Variants in KMT2C observed in about 807,000 individuals in gnomAD.
The protein encoded by KMT2C is histone-lysine N-methyltransferase 2C.
A neutral mutation model predicts 507.9 loss-of-function variants in KMT2C; 88 were observed. The ratio of observed to expected loss-of-function variants is 0.17; its 90% CI spans 0.15 to 0.21. The LOEUF (loss-of-function observed/expected upper bound fraction) is 0.21, where lower values mean the gene tolerates loss of function less well. Ranked by LOEUF, KMT2C falls within the 10% of genes least tolerant of loss-of-function variation. The pLI is 1.00. For missense variants in KMT2C, 4,954 were observed against 5,957.8 expected, an observed-to-expected ratio of 0.83 and a Z score of 5.55; for synonymous variants, 2,049 against 2,080.8, an observed-to-expected ratio of 0.98 and a Z score of 0.42.
chr7:152,346,295 T>A (rs1156823670), intron 2 of KMT2C, among the ~76,000 whole-genome samples: 1 of 152,210 alleles, frequency 6.6e-6, no homozygotes, highest in Admixed American at 6.5e-5. Flanking sequence ...ATGCTTCTCA[T>A]CCACATGGGA....
At chr7:152,190,920 G>C (rs954705654) in intron 31 of KMT2C, among the ~76,000 whole-genome samples, 2 of 152,000 alleles carry the variant, frequency 1.3e-5, no homozygotes, top group African/African-American at 4.8e-5. Flanking sequence ...TGTCTCTAAT[G>C]ATCATTCATT....
At chr7:152,230,518 G>C (rs1299689995) in intron 16 of KMT2C, among the ~76,000 whole-genome samples, 197 bp from the exon 17 acceptor site, 1 of 152,106 alleles carries the variant, frequency 6.6e-6, no homozygotes, top group Non-Finnish European at 1.5e-5. Flanking sequence ...TCTCTCTTTA[G>C]AGGTAGAATT....
At chr7:152,335,814 T>C (rs1334594964) in intron 2 of KMT2C, among the ~76,000 whole-genome samples, 1 of 152,210 alleles carries the variant, frequency 6.6e-6, no homozygotes, top group Non-Finnish European at 1.5e-5. Flanking sequence ...TAAACGTTAA[T>C]GTTACTGGTT....
chr7:152,304,972 C>T (rs988604170), intron 6 of KMT2C, among the ~76,000 whole-genome samples: 4 of 152,172 alleles, frequency 2.6e-5, no homozygotes, highest in Admixed American at 1.3e-4. Flanking sequence ...TTCTGTAGAA[C>T]TGTAAAGATT....
At chr7:152,262,939 GA>G in intron 9 of KMT2C, 76 bp downstream of exon 9, 1 of 1,022,866 alleles carries the variant, frequency 9.8e-7, no homozygotes, top group Non-Finnish European at 1.5e-6. Context: ...GTACAGATTT[GA>G]ATAGGTATCC....
chr7:152,137,681 C>A (rs1378967424), intron 58 of KMT2C: 1 of 152,228 alleles, frequency 6.6e-6, no homozygotes, highest in African/African-American at 2.4e-5. Flanking sequence ...CTGAGTCCTT[C>A]CAAGAGCCTG....
chr7:152,255,671 T>C (rs971904590), intron 9 of KMT2C, among the ~76,000 whole-genome samples: 1 of 152,152 alleles, frequency 6.6e-6, no homozygotes, highest in Non-Finnish European at 1.5e-5. Context: ...GGTGAATGAA[T>C]AGACAGATCG....
intron 6 of KMT2C, among the ~76,000 whole-genome samples, chr7:152,309,381 T>C (rs973531147): frequency 6.7e-6 from 1 of 148,864 alleles, no homozygotes; most frequent in Non-Finnish European, 1.5e-5. Context: ...TGGAGTGCAG[T>C]GGTGCAATCA....
chr7:152,252,837 T>C (rs1377056566), intron 9 of KMT2C, 122 bp from the exon 10 acceptor site: 5 of 704,642 alleles, frequency 7.1e-6, no homozygotes, highest in Non-Finnish European at 1.1e-5. Flanking sequence ...TTTATTTTCA[T>C]GACACTAATT....
At position 152,177,656 on chromosome 7, in the gene KMT2C, A is replaced by G. The variant is rs1175486364; in HGVS notation, c.7797T>C (p.Phe2599=). 1.2e-6 allele frequency: 2 copies of G among 1,614,118 alleles called. No individual in the cohort carries two copies. The highest frequency in any genetic ancestry group is 1.7e-6 in the Non-Finnish European group (2 of 1,180,020). Residue 2599 remains phenylalanine (F), a synonymous_variant, in exon 38 of 59, where the codon TTT becomes TTC. Coordinates refer to ENST00000262189, the MANE Select transcript of KMT2C (RefSeq NM_170606.3). ...RHGNFIPRPD[F]PGPRHTDPMR... is the part of the protein sequence containing the mutation. ...TGGGGTCTGTGTGTCTAGGGCCCGGAAAGTCTGGCCGGGGAATGAAGTTTC... is the reference window on the plus strand; with the variant it reads ...TGGGGTCTGTGTGTCTAGGGCCCGGGAAGTCTGGCCGGGGAATGAAGTTTC...
At chr7:152,383,151 T>C (rs1334800614) in intron 1 of KMT2C, among the ~76,000 whole-genome samples, 4 of 152,270 alleles carry the variant, frequency 2.6e-5, no homozygotes, top group African/African-American at 7.2e-5. Flanking sequence ...TGTGTGTGTG[T>C]ATGCATGCAT....
At chr7:152,395,515 T>C (rs1297208545) in intron 1 of KMT2C, among the ~76,000 whole-genome samples, 1 of 150,430 alleles carries the variant, frequency 6.6e-6, no homozygotes. Context: ...TTGTTTTGTT[T>C]TGTTTTGTTT....
In KMT2C at chr7:152,180,042, G is replaced by A. The variant is rs13231116; in HGVS notation, c.7234C>T (p.Pro2412Ser). Residue 2412 changes from proline (P) to serine (S), a missense_variant, in exon 37 of 59, where the codon CCC becomes TCC. By Grantham distance (74) the Pro-to-Ser change is moderately conservative (BLOSUM62 -1). Transcript: ENST00000262189. ...AGAGGCCCTGGATGAGGCACTGCGGGTGAGTCCTGTGACCCCTTCTCCTGT... is the reference window on the plus strand; with the variant it reads ...AGAGGCCCTGGATGAGGCACTGCGGATGAGTCCTGTGACCCCTTCTCCTGT... ...GRQEKGSQDS[P>S]AVPHPGPLQH... 7 of 1,614,020 alleles carry A rather than the reference G, an allele frequency of 4.3e-6. No individual in the cohort carries two copies. In the African/African-American group the frequency reaches 5.3e-5, roughly 12 times the overall value.
intron 6 of KMT2C, among the ~76,000 whole-genome samples, chr7:152,288,023 A>C (rs2096335842): frequency 9.2e-6 from 1 of 108,636 alleles, no homozygotes; most frequent in African/African-American, 5.8e-5. Flanking sequence ...AGTCTGCCTC[A>C]AAAAAAAAAA....
intron 2 of KMT2C, among the ~76,000 whole-genome samples, chr7:152,341,598 A>G (rs1322815094): frequency 2.0e-5 from 3 of 152,200 alleles, no homozygotes; most frequent in Non-Finnish European, 4.4e-5. Context: ...CCACATATCC[A>G]GAAGGGAGAG....
intron 1 of KMT2C, among the ~76,000 whole-genome samples, chr7:152,420,263 A>G (rs182704623): frequency 1.3e-5 from 2 of 152,318 alleles, no homozygotes; most frequent in Admixed American, 1.3e-4. Context: ...AGTCACCTAT[A>G]ATCTAACACC....
At chr7:152,425,957 G>A (rs1166420461) in intron 1 of KMT2C, among the ~76,000 whole-genome samples, 1 of 152,060 alleles carries the variant, frequency 6.6e-6, no homozygotes, top group Non-Finnish European at 1.5e-5. Context: ...CTAGCCAGTA[G>A]AGTTATAATA....
At chr7:152,269,123 C>T (rs776665968) in intron 7 of KMT2C, among the ~76,000 whole-genome samples, 3 of 152,162 alleles carry the variant, frequency 2.0e-5, no homozygotes, top group African/African-American at 4.8e-5. Context: ...CACTGTTATA[C>T]ACAACAAAGT....
intron 23 of KMT2C, among the ~76,000 whole-genome samples, chr7:152,215,688 T>TATATATATATATACACAC (rs766518165): frequency 7.4e-6 from 1 of 134,432 alleles, no homozygotes; most frequent in South Asian, 2.4e-4. Flanking sequence ...TATATATATA[T>TATATATATATATACACAC]ACACACACAC....
Sources: allele counts gnomAD v4.1 joint callset (sites outside exome capture counted in the v4.1 genomes callset), GRCh38; gene constraint gnomAD v4.1.1; transcripts MANE v1.5; gene names NCBI Gene and HGNC (gene_info 2026-07-23, HGNC 2026-07-21).